DCC: variants seen among roughly 807,000 people sequenced by gnomAD.
DCC encodes the protein DCC netrin 1 receptor.
In DCC, 58 loss-of-function variants were observed where a neutral mutation model predicts 172.5. The observed-to-expected ratio is 0.34, with a 90% CI of 0.27 to 0.42. The LOEUF is 0.42. DCC is among the 10% of genes least tolerant of loss of function. The pLI is 1.00. For missense variants in DCC, 1,740 were observed against 1,791.0 expected, an observed-to-expected ratio of 0.97 and a Z score of 0.51; for synonymous variants, 709 against 644.5, an observed-to-expected ratio of 1.10 and a Z score of -1.52.
chr18:53,023,180 T>C lies in DCC; in HGVS notation c.986-40125T>C, dbSNP rs561496456. ...TTAACAGTATAGAAGTATTTACCAG[T>C]CTATAATAAAGCTGTTTATATAACC... On this transcript the variant is annotated intron_variant, in intron 5 of 28. Transcript: ENST00000442544. Among the ~76,000 whole-genome samples, 7 of 151,900 alleles carry C rather than the reference T, an allele frequency of 4.6e-5. No individual in the cohort carries two copies. The East Asian group carries it at 7.7e-4, about 17-fold the overall frequency.
intron 27 of DCC, among the ~76,000 whole-genome samples, chr18:53,521,964 G>A (rs1225926419): frequency 1.3e-5 from 2 of 152,046 alleles, no homozygotes; most frequent in Non-Finnish European, 2.9e-5. Flanking sequence ...AACAGCTTTT[G>A]TGACTATTAT....
intron 5 of DCC, among the ~76,000 whole-genome samples, chr18:53,062,517 C>T (rs2042510360): frequency 6.6e-6 from 1 of 152,054 alleles, no homozygotes; most frequent in South Asian, 2.1e-4. Flanking sequence ...CTTAAGTTTC[C>T]CCACAGAAGA....
intron 5 of DCC, among the ~76,000 whole-genome samples, chr18:52,926,626 C>T (rs12962528): frequency 0.39 from 59,357 of 151,244 alleles, 12,253 homozygotes; most frequent in Non-Finnish European, 0.47. Flanking sequence ...TTATGGAATA[C>T]GCTAGAATTT....
At chr18:53,365,119 C>A (rs2057989719) in intron 15 of DCC, among the ~76,000 whole-genome samples, 1 of 151,570 alleles carries the variant, frequency 6.6e-6, no homozygotes, top group Non-Finnish European at 1.5e-5. Flanking sequence ...TGTCCCCCTT[C>A]CTGTGTCTAA....
At chr18:52,784,896 G>A (rs2037624511) in intron 2 of DCC, among the ~76,000 whole-genome samples, 1 of 148,976 alleles carries the variant, frequency 6.7e-6, no homozygotes, top group Non-Finnish European at 1.5e-5. Flanking sequence ...GCAGGTCCTA[G>A]GGAGGTGGAG....
chr18:52,453,611 T>C (rs1988372727), intron 1 of DCC, among the ~76,000 whole-genome samples: 1 of 152,176 alleles, frequency 6.6e-6, no homozygotes, highest in Non-Finnish European at 1.5e-5. Flanking sequence ...CACAAAATCT[T>C]AACATCTCAA....
At chr18:53,172,516 G>A (rs887580704) in intron 8 of DCC, among the ~76,000 whole-genome samples, 1 of 152,054 alleles carries the variant, frequency 6.6e-6, no homozygotes, top group Middle Eastern at 3.2e-3. Context: ...TGTTCAAAGG[G>A]TTATGGCCAG....
rs150777485 is a variant in DCC at position 53,215,141 on chromosome 18, T to G, written c.1862-407T>G. 2.0e-5 allele frequency among the ~76,000 whole-genome samples: 3 copies of G among 152,290 alleles called. No homozygotes were observed. The East Asian group carries it at 5.8e-4, about 29-fold the overall frequency. On this transcript the variant is annotated intron_variant, in intron 11 of 28. Coordinates refer to ENST00000442544, the MANE Select transcript of DCC (RefSeq NM_005215.4). Reference sequence around the variant, plus strand: ...CCTGGCTGACCATTAGAATGACAAATTTTATCATAAAATTATGCAGATTCT... The same window carrying G: ...CCTGGCTGACCATTAGAATGACAAAGTTTATCATAAAATTATGCAGATTCT...
chr18:53,371,006 C>A (rs2058055847), intron 15 of DCC, among the ~76,000 whole-genome samples: 1 of 151,850 alleles, frequency 6.6e-6, no homozygotes, highest in Non-Finnish European at 1.5e-5. Flanking sequence ...CTGCTGTTAA[C>A]AATATTTTTT....
intron 5 of DCC, among the ~76,000 whole-genome samples, chr18:53,049,278 A>G (rs1197923918): frequency 1.3e-5 from 2 of 151,970 alleles, no homozygotes; most frequent in African/African-American, 4.8e-5. Context: ...TTAGAATGGT[A>G]TTTCCTAGCC....
chr18:52,875,827 C>A (rs1235314958), intron 2 of DCC, among the ~76,000 whole-genome samples: 1 of 152,102 alleles, frequency 6.6e-6, no homozygotes, highest in African/African-American at 2.4e-5. Flanking sequence ...AAGATAAAGG[C>A]AAGGAAGCTG....
chr18:53,469,725 A>G (rs887620310), intron 25 of DCC, among the ~76,000 whole-genome samples: 8 of 152,026 alleles, frequency 5.3e-5, no homozygotes, highest in African/African-American at 1.9e-4. Context: ...CTCCTGTTTT[A>G]TAACACTCAA....
chr18:52,720,343 T>C (rs972059597), intron 1 of DCC, among the ~76,000 whole-genome samples: 1 of 152,220 alleles, frequency 6.6e-6, no homozygotes, highest in African/African-American at 2.4e-5. Context: ...GCTCATTTGT[T>C]GTTAAATTTT....
At chr18:52,791,948 G>T (rs968514585) in intron 2 of DCC, among the ~76,000 whole-genome samples, 3 of 152,100 alleles carry the variant, frequency 2.0e-5, no homozygotes, top group African/African-American at 7.2e-5. Flanking sequence ...CTAAAATCTG[G>T]CTTTGGAGGA....
chr18:52,691,895 C>T (rs2035935436), intron 1 of DCC, among the ~76,000 whole-genome samples: 2 of 152,242 alleles, frequency 1.3e-5, no homozygotes, highest in African/African-American at 4.8e-5. Flanking sequence ...TATAACTGAC[C>T]TGGCTTTTTA....
intron 1 of DCC, among the ~76,000 whole-genome samples, chr18:52,465,658 C>CCA (rs1988763383): frequency 6.6e-6 from 1 of 152,136 alleles, no homozygotes; most frequent in South Asian, 2.1e-4. Context: ...CAGTCCTAGA[C>CCA]CACTAGCCTG....
rs927464451 is a variant in DCC at position 53,008,428 on chromosome 18, G to T, written c.986-54877G>T. Among the ~76,000 whole-genome samples the T allele has an allele frequency of 3.3e-5, 5 of 151,922 alleles. No individual in the cohort carries two copies. The East Asian group carries it at 9.6e-4, about 29-fold the overall frequency. On this transcript the variant is annotated intron_variant, in intron 5 of 28. Transcript: ENST00000442544. ...TTACTCCAAGATATGTTTCTGTCTGGTAGAATTTATCTGTTTTCAAAAAAG... is the reference window on the plus strand; with the variant it reads ...TTACTCCAAGATATGTTTCTGTCTGTTAGAATTTATCTGTTTTCAAAAAAG...
chr18:52,626,547 T>C (rs1855924413), intron 1 of DCC, among the ~76,000 whole-genome samples: 2 of 152,158 alleles, frequency 1.3e-5, no homozygotes, highest in Admixed American at 1.3e-4. Flanking sequence ...TTAAAACTTT[T>C]CAGTCTCTCT....
chr18:53,261,299 C>A (rs994638409), intron 12 of DCC, among the ~76,000 whole-genome samples: 1 of 152,218 alleles, frequency 6.6e-6, no homozygotes, highest in African/African-American at 2.4e-5. Context: ...ATTGCTCACA[C>A]TGGGAGCTGT....
Sources: allele counts gnomAD v4.1 joint callset (sites outside exome capture counted in the v4.1 genomes callset), GRCh38; gene constraint gnomAD v4.1.1; transcripts MANE v1.5; gene names NCBI Gene and HGNC (gene_info 2026-07-23, HGNC 2026-07-21).